The following NFIC variants were observed in gnomAD, a reference collection of about 807,000 sequenced individuals.
The protein encoded by NFIC is nuclear factor 1 C-type.
NFIC carries 12 observed loss-of-function variants against 54.4 expected under a neutral mutation model. The observed-to-expected ratio is 0.22, with a 90% CI of 0.14 to 0.36. The LOEUF is 0.36. NFIC is among the 10% of genes least tolerant of loss of function. The pLI is 1.00. For missense variants in NFIC, 575 were observed against 718.2 expected (o/e 0.80, Z 2.28); for synonymous variants, 322 against 319.2 (o/e 1.01, Z -0.09).
chr19:3,428,849 C>T (rs1175367710), intron 3 of NFIC, among the ~76,000 whole-genome samples: 1 of 151,892 alleles, frequency 6.6e-6, no homozygotes, highest in Non-Finnish European at 1.5e-5. Flanking sequence ...CTGACACCAG[C>T]TGGCCAGCTG....
At chr19:3,385,169 A>T in intron 2 of NFIC, among the ~76,000 whole-genome samples, 1 of 113,614 alleles carries the variant, frequency 8.8e-6, no homozygotes, top group East Asian at 2.6e-4. Context: ...CCAGCAGGCC[A>T]CACCCTCCCC....
chr19:3,442,244 A>G (rs1313469144), intron 6 of NFIC, among the ~76,000 whole-genome samples: 2 of 152,018 alleles, frequency 1.3e-5, no homozygotes, highest in Non-Finnish European at 1.5e-5. Flanking sequence ...AGCAGCCCCC[A>G]CTGTGCTTTG....
chr19:3,405,400 G>A (rs2081632104), intron 2 of NFIC, among the ~76,000 whole-genome samples: 1 of 152,126 alleles, frequency 6.6e-6, no homozygotes, highest in Admixed American at 6.5e-5. Context: ...GACAAGGGCT[G>A]GGCAGGGGTT....
intron 2 of NFIC, 53 bp from the exon 3 acceptor site, chr19:3,425,053 T>A (rs949198703): frequency 1.6e-5 from 26 of 1,594,900 alleles, no homozygotes; most frequent in Non-Finnish European, 2.2e-5. Context: ...CTTCATCTGC[T>A]CCTGGGGTGG....
At chr19:3,414,136 G>A (rs151247060) in intron 2 of NFIC, among the ~76,000 whole-genome samples, 2 of 152,234 alleles carry the variant, frequency 1.3e-5, no homozygotes, top group African/African-American at 4.8e-5. Flanking sequence ...TACAGATGAA[G>A]AAATCCAGGC....
At chr19:3,427,562 C>T (rs1451970189) in intron 3 of NFIC, among the ~76,000 whole-genome samples, 1 of 152,010 alleles carries the variant, frequency 6.6e-6, no homozygotes, top group African/African-American at 2.4e-5. Context: ...AGTGCGGTGG[C>T]TCACGCCTGT....
intron 6 of NFIC, among the ~76,000 whole-genome samples, chr19:3,448,031 A>G (rs1197341820): frequency 1.3e-5 from 2 of 152,090 alleles, no homozygotes; most frequent in Non-Finnish European, 1.5e-5. Context: ...CAGCCTCCCA[A>G]GTAGCTGGGA....
Position 3,448,910 on chromosome 19 carries a change from G to A in NFIC, c.959-104G>A, listed in dbSNP as rs983727240. On this transcript the variant is annotated intron_variant, in intron 6 of 10. Coordinates refer to ENST00000443272, the MANE Select transcript of NFIC (RefSeq NM_001245002.2). ...TCAGGATTCTGGGGTAAGAGGAGGCGGGGTGATGAGGCTTCCTATCCCTTC... is the reference window on the plus strand; with the variant it reads ...TCAGGATTCTGGGGTAAGAGGAGGCAGGGTGATGAGGCTTCCTATCCCTTC... The A allele has an allele frequency of 4.7e-5, 70 of 1,481,794 alleles. No homozygotes were observed. In the Middle Eastern group the frequency reaches 7.2e-4, roughly 15 times the overall value. The allele number at this position is 1,481,794 out of a possible 1,614,324, so 91.8% of individuals were successfully genotyped here.
rs1466995982 is a variant in NFIC at position 3,449,065 on chromosome 19, G to A, written c.1010G>A (p.Ser337Asn). ...GAGATGGACAAGTCACCATTCAACA[G>A]CCCGTCCCCCCAGGACTCTCCCCGC... is the stretch of plus-strand genomic sequence containing the variant. ...KTEMDKSPFN[S>N]PSPQDSPRLS... is the part of the protein sequence containing the mutation. The change falls in exon 7 of 11, where the codon AGC (serine) becomes AAC (asparagine). Residue 337 changes from serine to asparagine, a missense_variant. Physicochemically the swap from Ser to Asn is conservative, Grantham distance 46 (BLOSUM62 1). Transcript: ENST00000443272. The A allele has an allele frequency of 6.2e-7, 1 of 1,613,084 alleles. No homozygotes were observed. Among genetic ancestry groups the A allele is most frequent in the Non-Finnish European group, 8.5e-7 (1 of 1,179,696 alleles).
intron 2 of NFIC, among the ~76,000 whole-genome samples, chr19:3,401,969 G>A (rs992543344): frequency 3.3e-5 from 5 of 151,982 alleles, no homozygotes; most frequent in South Asian, 2.1e-4. Flanking sequence ...TGATCCAACC[G>A]CCTCGACCTC....
chr19:3,456,732 C>A, intron 10 of NFIC, 97 bp downstream of exon 10: 2 of 1,204,328 alleles, frequency 1.7e-6, no homozygotes, highest in Non-Finnish European at 2.3e-6. Context: ...GGTCCCACGC[C>A]ACACCCCTGG....
intron 2 of NFIC, among the ~76,000 whole-genome samples, chr19:3,421,837 G>T (rs1490667913): frequency 6.6e-6 from 1 of 152,122 alleles, no homozygotes; most frequent in Non-Finnish European, 1.5e-5. Flanking sequence ...GAGTGCAGTG[G>T]CATGATCACA....
intron 1 of NFIC, among the ~76,000 whole-genome samples, chr19:3,379,941 C>A (rs953579044): frequency 6.6e-5 from 10 of 152,102 alleles, no homozygotes; most frequent in African/African-American, 2.4e-4. Flanking sequence ...TGTGGCCTCC[C>A]AAAGTGCTGG....
At chr19:3,445,280 C>T (rs2082358884) in intron 6 of NFIC, among the ~76,000 whole-genome samples, 1 of 152,228 alleles carries the variant, frequency 6.6e-6, no homozygotes, top group South Asian at 2.1e-4. Context: ...CGGCTCCAGG[C>T]CACCCTCATT....
rs1370984410 is a variant in NFIC, at chr19:3,465,204, A to G, written c.*2435A>G. The stretch of plus-strand genomic sequence containing the variant: ...CAAGAAAAACCTTTAAAAAAATTCC[A>G]TGTTTCCTAATTTGCACGAAATTTT... On this transcript the variant is annotated 3_prime_UTR_variant, in exon 11 of 11. Transcript: ENST00000443272. The G allele has an allele frequency of 1.4e-5, 2 of 147,986 alleles. No individual in the cohort carries two copies. Among genetic ancestry groups the G allele is most frequent in the East Asian group, 3.9e-4 (2 of 5,078 alleles). The allele number at this position is 147,986 out of a possible 1,614,324, so 9.2% of individuals were successfully genotyped here.
upstream of NFIC, among the ~76,000 whole-genome samples, chr19:3,366,262 G>T (rs1378029320): frequency 6.7e-6 from 1 of 148,744 alleles, no homozygotes; most frequent in Non-Finnish European, 1.5e-5. Context: ...GTCCTGAGAC[G>T]TCGGGGGAGG....
upstream of NFIC, among the ~76,000 whole-genome samples, chr19:3,364,370 A>G (rs570866825): frequency 6.6e-6 from 1 of 152,284 alleles, no homozygotes; most frequent in East Asian, 1.9e-4. Context: ...CCCATTTCAC[A>G]GAGGGAGAGC....
chr19:3,451,945 C>T (rs902605149), intron 7 of NFIC, among the ~76,000 whole-genome samples: 9 of 152,056 alleles, frequency 5.9e-5, no homozygotes, highest in African/African-American at 1.9e-4. Context: ...GGCGAAACCC[C>T]ATCTCTACTA....
chr19:3,403,233 A>C (rs3922397), intron 2 of NFIC, among the ~76,000 whole-genome samples: 2 of 151,946 alleles, frequency 1.3e-5, no homozygotes, highest in African/African-American at 4.8e-5. Flanking sequence ...GGGAAGGAGA[A>C]AGTTTCCTTC....
Sources: allele counts gnomAD v4.1 joint callset (sites outside exome capture counted in the v4.1 genomes callset), GRCh38; gene constraint gnomAD v4.1.1; transcripts MANE v1.5; gene names NCBI Gene and HGNC (gene_info 2026-07-23, HGNC 2026-07-21).